CNTN6: variants seen among roughly 807,000 people sequenced by gnomAD.
The protein encoded by CNTN6 is contactin 6.
Under a neutral mutation model 122.8 loss-of-function variants are expected in CNTN6, and 137 were observed. That is an observed-to-expected ratio of 1.12 (90% CI 0.97 to 1.29). The LOEUF (loss-of-function observed/expected upper bound fraction) is 1.29, where lower values mean the gene tolerates loss of function less well. Among genes scored for constraint, CNTN6 ranks in the 50% most tolerant of loss-of-function variants. The pLI, the probability that CNTN6 is intolerant of heterozygous loss-of-function variation, is 0.00. For synonymous variants in CNTN6, 570 were observed against 426.0 expected (o/e 1.34, Z -4.16); for missense variants, 1,634 against 1,223.4 (o/e 1.34, Z -5.01).
intron 11 of CNTN6, among the ~76,000 whole-genome samples, chr3:1,340,608 C>G (rs1222883361): frequency 2.6e-5 from 4 of 152,062 alleles, no homozygotes; most frequent in Non-Finnish European, 5.9e-5. Flanking sequence ...TGTATTATAA[C>G]TAAGAAGAAA....
intron 3 of CNTN6, among the ~76,000 whole-genome samples, chr3:1,226,509 C>T (rs940094934): frequency 2.0e-5 from 3 of 152,114 alleles, no homozygotes; most frequent in Non-Finnish European, 4.4e-5. Context: ...GGTATCATTT[C>T]TATATCCAGA....
intron 2 of CNTN6, among the ~76,000 whole-genome samples, chr3:1,166,179 T>C (rs1559438323): frequency 6.6e-6 from 1 of 152,166 alleles, no homozygotes; most frequent in African/African-American, 2.4e-5. Context: ...CTCTGAGGCA[T>C]ATAGTCACAA....
intron 1 of CNTN6, among the ~76,000 whole-genome samples, chr3:1,125,561 A>G (rs1360492198): frequency 6.6e-6 from 1 of 151,846 alleles, no homozygotes; most frequent in Non-Finnish European, 1.5e-5. Context: ...GTCAGAATAA[A>G]AATGACTACT....
At chr3:1,358,723 CA>C (rs1483936147) in intron 12 of CNTN6, among the ~76,000 whole-genome samples, 1 of 151,900 alleles carries the variant, frequency 6.6e-6, no homozygotes, top group African/African-American at 2.4e-5. Flanking sequence ...AAGAAAATAT[CA>C]TTTGTATTAA....
At chr3:1,329,738 A>G (rs759812888) in intron 10 of CNTN6, 47 bp from the exon 11 acceptor site, 5 of 1,547,002 alleles carry the variant, frequency 3.2e-6, no homozygotes, top group Admixed American at 1.8e-5. Context: ...GAGTCACTAC[A>G]TGTTAACTGA....
At chr3:1,288,992 T>G (rs1396627674) in intron 5 of CNTN6, among the ~76,000 whole-genome samples, 1 of 152,230 alleles carries the variant, frequency 6.6e-6, no homozygotes, top group African/African-American at 2.4e-5. Context: ...CAATTATCAT[T>G]CAGCTCTAAT....
At chr3:1,177,077 G>T (rs761216952) in intron 2 of CNTN6, among the ~76,000 whole-genome samples, 3 of 152,094 alleles carry the variant, frequency 2.0e-5, no homozygotes, top group Admixed American at 2.0e-4. Context: ...TAATCCTGAG[G>T]AAACAATCAC....
intron 2 of CNTN6, among the ~76,000 whole-genome samples, chr3:1,159,357 T>C (rs2093068655): frequency 6.6e-6 from 1 of 151,976 alleles, no homozygotes; most frequent in Admixed American, 6.6e-5. Context: ...GATGATTTCC[T>C]TTCTGGGTGG....
At chr3:1,167,808 C>T (rs1290097749) in intron 2 of CNTN6, among the ~76,000 whole-genome samples, 1 of 152,196 alleles carries the variant, frequency 6.6e-6, no homozygotes, top group African/African-American at 2.4e-5. Context: ...TGAAGGGATG[C>T]TAACACCCAA....
At position 1,387,478 on chromosome 3, in the gene CNTN6, A is replaced by G. The variant is rs192867188; in HGVS notation, c.2704+1681A>G. Among the ~76,000 whole-genome samples the G allele has an allele frequency of 5.2e-4, 79 of 152,322 alleles. 1 individual carries two copies. The highest frequency in any genetic ancestry group is 1.9e-3 in the African/African-American group (79 of 41,572). On this transcript the variant is annotated intron_variant, in intron 20 of 22. Transcript: ENST00000446702. ...CTGCAAATCCGAATGAAAATCTCCA[A>G]TCAATCAGCAGTTTTCAGATTACCT...
chr3:1,225,699 GT>G (rs35640182), intron 3 of CNTN6, among the ~76,000 whole-genome samples: 2,126 of 109,574 alleles, frequency 0.019, 24 homozygotes, highest in African/African-American at 0.045. Context: ...TTTTATTATT[GT>G]TTTTTTTTTT....
chr3:1,231,407 A>C (rs907665658), intron 4 of CNTN6, among the ~76,000 whole-genome samples: 3 of 152,218 alleles, frequency 2.0e-5, no homozygotes, highest in African/African-American at 7.2e-5. Context: ...AACCTTTCAG[A>C]ATCTACCCTG....
At chr3:1,386,108 G>C (rs1210422100) in intron 20 of CNTN6, among the ~76,000 whole-genome samples, 21 of 152,104 alleles carry the variant, frequency 1.4e-4, no homozygotes. Context: ...CCTATCCTTG[G>C]AACGTTAGGT....
chr3:1,245,903 A>C (rs760549287), intron 4 of CNTN6, among the ~76,000 whole-genome samples: 5 of 151,362 alleles, frequency 3.3e-5, no homozygotes, highest in Non-Finnish European at 7.4e-5. Context: ...ACAAATTTTT[A>C]GCTGATGAGC....
chr3:1,265,672 C>G (rs1179845261), intron 4 of CNTN6, among the ~76,000 whole-genome samples: 1 of 152,144 alleles, frequency 6.6e-6, no homozygotes, highest in African/African-American at 2.4e-5. Context: ...TTTCTGTTCT[C>G]TCCCCTCCAC....
intron 2 of CNTN6, among the ~76,000 whole-genome samples, chr3:1,190,751 C>T (rs1043806813): frequency 6.6e-6 from 1 of 152,098 alleles, no homozygotes; most frequent in African/African-American, 2.4e-5. Flanking sequence ...CTTGACCAAC[C>T]ATATATCACC....
chr3:1,401,399 A>T (rs2126261985), intron 20 of CNTN6, 34 bp from the exon 21 acceptor site: 1 of 1,542,388 alleles, frequency 6.5e-7, no homozygotes, highest in East Asian at 2.3e-5. Context: ...GAGCTAATTA[A>T]CATTCATTTG....
intron 1 of CNTN6, among the ~76,000 whole-genome samples, chr3:1,116,000 A>C (rs1028291808): frequency 2.0e-5 from 3 of 152,200 alleles, no homozygotes; most frequent in African/African-American, 7.2e-5. Flanking sequence ...AAAATGATCC[A>C]TATCTTGGAA....
intron 1 of CNTN6, among the ~76,000 whole-genome samples, chr3:1,111,783 G>C (rs2091491672): frequency 6.6e-6 from 1 of 152,144 alleles, no homozygotes; most frequent in Non-Finnish European, 1.5e-5. Context: ...TGTGAAATCA[G>C]TGTAGAACAG....
Sources: allele counts gnomAD v4.1 joint callset (sites outside exome capture counted in the v4.1 genomes callset), GRCh38; gene constraint gnomAD v4.1.1; transcripts MANE v1.5; gene names NCBI Gene and HGNC (gene_info 2026-07-23, HGNC 2026-07-21).